SLCO1B3: variants seen among roughly 807,000 people sequenced by gnomAD.
The protein encoded by SLCO1B3 is liver-specific organic anion transporter 2.
Under a neutral mutation model 71.8 loss-of-function variants are expected in SLCO1B3, and 72 were observed. That is an observed-to-expected ratio of 1.00 (90% CI 0.83 to 1.22). The LOEUF (loss-of-function observed/expected upper bound fraction) is 1.22, where lower values mean the gene tolerates loss of function less well. Among genes scored for constraint, SLCO1B3 ranks in the 50% most tolerant of loss-of-function variants. SLCO1B3 has a pLI of 0.00. For missense variants in SLCO1B3, 911 were observed against 819.7 expected, an observed-to-expected ratio of 1.11 and a Z score of -1.36; for synonymous variants, 298 against 278.4, an observed-to-expected ratio of 1.07 and a Z score of -0.70.
chr12:20,863,897 T>C (rs1482077998), intron 8 of SLCO1B3, among the ~76,000 whole-genome samples: 1 of 152,202 alleles, frequency 6.6e-6, no homozygotes, highest in East Asian at 1.9e-4. Flanking sequence ...TTTTCTATAA[T>C]TTATTTTAAT....
rs777348477 is a variant in SLCO1B3 at position 20,875,270 on chromosome 12, G to A, written c.763G>A (p.Val255Ile). 6 of 1,613,078 alleles carry A rather than the reference G, an allele frequency of 3.7e-6. 1 individual carries two copies. The East Asian group carries it at 1.1e-4, about 30-fold the overall frequency. Residue 255 changes from valine (V) to isoleucine (I), a missense_variant, in exon 9 of 16, where the codon GTT (valine) becomes ATT (isoleucine). Transcript: ENST00000381545. ...IRITPKDSRW[V>I]GAWWLGFLVS... ...AATAACTCCTAAGGACTCTCGTTGG[G>A]TTGGAGCTTGGTGGCTTGGTTTCCT...
chr12:20,832,569 C>T (rs1451317386), intron 3 of SLCO1B3, among the ~76,000 whole-genome samples: 1 of 152,044 alleles, frequency 6.6e-6, no homozygotes, highest in East Asian at 1.9e-4. Flanking sequence ...CTGGAATAAT[C>T]ACTCCACATA....
rs115881697 is a variant in SLCO1B3, at chr12:20,877,153, A to G, written c.971-619A>G. On this transcript the variant is annotated intron_variant, in intron 9 of 15. Transcript: ENST00000381545. ...GCCAATTAATGGATTTTCTAAACCT[A>G]TAAGGACCAGGGTTGACTGTGAGCC... Among the ~76,000 whole-genome samples the G allele has an allele frequency of 8.0e-4, 122 of 152,224 alleles. 1 individual carries two copies. Among genetic ancestry groups the G allele is most frequent in the African/African-American group, 2.7e-3 (111 of 41,562 alleles).
intron 3 of SLCO1B3, among the ~76,000 whole-genome samples, chr12:20,816,588 G>T (rs577398924): frequency 4.0e-5 from 6 of 151,732 alleles, no homozygotes; most frequent in Non-Finnish European, 8.8e-5. Flanking sequence ...TTTTTTTTAC[G>T]CATTCATCTG....
At chr12:20,855,198 C>T in intron 4 of SLCO1B3, 29 bp downstream of exon 4, 2 of 1,565,616 alleles carry the variant, frequency 1.3e-6, no homozygotes, top group African/African-American at 1.4e-5. Flanking sequence ...ATTTGATAAC[C>T]ATACTTGCAT....
intron 3 of SLCO1B3, among the ~76,000 whole-genome samples, chr12:20,839,906 C>T (rs916692407): frequency 1.8e-4 from 27 of 152,116 alleles, no homozygotes; most frequent in Non-Finnish European, 3.1e-4. Context: ...TATTCTGAAG[C>T]TCATATAGCC....
intron 15 of SLCO1B3, among the ~76,000 whole-genome samples, chr12:20,909,373 C>T (rs1456358100): frequency 6.7e-6 from 1 of 149,674 alleles, no homozygotes; most frequent in African/African-American, 2.5e-5. Flanking sequence ...CAGGGTTTCG[C>T]CATGTTAGCC....
rs79578573 is a variant in SLCO1B3, at chr12:20,911,957, G to A, written c.1866-4047G>A. Among the ~76,000 whole-genome samples, 13 of 151,710 alleles carry A rather than the reference G, an allele frequency of 8.6e-5. No homozygotes were observed. In the East Asian group the frequency reaches 1.5e-3, roughly 18 times the overall value. ...GTGCCCTACTTTTACTATTATCTTC[G>A]GATTACTTTGGATTTAATTTGCTCT... is the stretch of plus-strand genomic sequence containing the variant. On this transcript the variant is annotated intron_variant, in intron 15 of 15. Transcript: ENST00000381545.
intron 14 of SLCO1B3, among the ~76,000 whole-genome samples, chr12:20,899,080 G>C (rs562196144): frequency 6.6e-6 from 1 of 152,184 alleles, no homozygotes; most frequent in Admixed American, 6.5e-5. Flanking sequence ...CTGAATAAAA[G>C]AAAGCTCAGA....
intron 15 of SLCO1B3, among the ~76,000 whole-genome samples, chr12:20,915,634 T>C (rs1020540152): frequency 2.0e-5 from 3 of 152,196 alleles, no homozygotes; most frequent in Non-Finnish European, 2.9e-5. Context: ...TGTAGTTCTA[T>C]GATAAGGCCT....
In SLCO1B3 at chr12:20,841,962, G is replaced by A. The variant is rs534206709; in HGVS notation, c.85-13066G>A. Among the ~76,000 whole-genome samples, 5 of 150,404 alleles carry A rather than the reference G, an allele frequency of 3.3e-5. No homozygotes were observed. In the South Asian group the frequency reaches 1.0e-3, roughly 31 times the overall value. ...TGCAGTGGAGCAATCTCGGCTCACT[G>A]CAGCCTCTGTCGCCCAGTTTCAAGT... On this transcript the variant is annotated intron_variant, in intron 3 of 15. Transcript: ENST00000381545.
At chr12:20,869,083 G>A (rs572500040) in intron 8 of SLCO1B3, among the ~76,000 whole-genome samples, 6 of 152,284 alleles carry the variant, frequency 3.9e-5, no homozygotes, top group African/African-American at 1.2e-4. Flanking sequence ...CTGCGGGCAA[G>A]CCTGACTAAT....
chr12:20,864,762 T>C (rs556126887), intron 8 of SLCO1B3, among the ~76,000 whole-genome samples: 1 of 152,296 alleles, frequency 6.6e-6, no homozygotes, highest in Admixed American at 6.5e-5. Flanking sequence ...TCACATCTTC[T>C]CTTATTCTGT....
At position 20,904,755 on chromosome 12, in the gene SLCO1B3, C is replaced by CTTTTTTTTT. The variant is rs775996155; in HGVS notation, c.1865+3313_1865+3321dup. ...GCAGACTTCTGCCTGGACATCCAGG[C>CTTTTTTTTT]TTTTTTTTTTTTTTTTTTTTTTTTT... On this transcript the variant is annotated intron_variant, in intron 15 of 15. Coordinates refer to ENST00000381545, the MANE Select transcript of SLCO1B3 (RefSeq NM_019844.4). 2.3e-4 allele frequency among the ~76,000 whole-genome samples: 13 copies of CTTTTTTTTT among 56,114 alleles called. 1 individual carries two copies. The highest frequency in any genetic ancestry group is 1.1e-3 in the African/African-American group (12 of 11,272). The allele number at this position is 56,114 out of a possible 152,430, so 36.8% of individuals were successfully genotyped here.
chr12:20,849,577 A>G (rs1864981385), intron 3 of SLCO1B3, among the ~76,000 whole-genome samples: 1 of 152,142 alleles, frequency 6.6e-6, no homozygotes, highest in Admixed American at 6.5e-5. Context: ...AAAAGAAACA[A>G]AAGGCATTCA....
Position 20,891,838 on chromosome 12 carries a change from G to A in SLCO1B3, c.1683-6598G>A, listed in dbSNP as rs189095444. The stretch of plus-strand genomic sequence containing the variant: ...TTGTTAAAGCTTTCAGAAGTATTTT[G>A]CAGTCCCTTCAATACATTTTTAATT... On this transcript the variant is annotated intron_variant, in intron 13 of 15. Transcript: ENST00000381545. 3.9e-5 allele frequency among the ~76,000 whole-genome samples: 6 copies of A among 152,044 alleles called. 1 individual carries two copies. Among genetic ancestry groups the A allele is most frequent in the Admixed American group, 2.6e-4 (4 of 15,270 alleles).
intron 3 of SLCO1B3, among the ~76,000 whole-genome samples, chr12:20,825,179 G>C (rs1581192): frequency 6.6e-6 from 1 of 151,968 alleles, no homozygotes; most frequent in African/African-American, 2.4e-5. Context: ...AATGCTATAA[G>C]AACCTTGTTT....
At chr12:20,874,685 T>G (rs997799897) in intron 8 of SLCO1B3, among the ~76,000 whole-genome samples, 1 of 152,222 alleles carries the variant, frequency 6.6e-6, no homozygotes, top group South Asian at 2.1e-4. Context: ...TGGGTTACTC[T>G]TAAACTCAGA....
chr12:20,818,774 C>A lies in SLCO1B3; in HGVS notation c.84+2952C>A, dbSNP rs185837507. ...GTGGAACTGCCATCAATAAATCAAG[C>A]GTGATCAGGGTGAGAAACAGGGACG... On this transcript the variant is annotated intron_variant, in intron 3 of 15. Coordinates refer to ENST00000381545, the MANE Select transcript of SLCO1B3 (RefSeq NM_019844.4). 2.0e-3 allele frequency among the ~76,000 whole-genome samples: 306 copies of A among 152,192 alleles called. 2 individuals are homozygous for A. In the Middle Eastern group the frequency reaches 0.027, roughly 14 times the overall value.
Sources: gnomAD v4.1 joint callset for allele counts (sites outside exome capture counted in the v4.1 genomes callset) on GRCh38, gnomAD v4.1.1 for gene constraint, MANE v1.5 for transcripts, NCBI Gene and HGNC (gene_info 2026-07-23, HGNC 2026-07-21) for gene names.